CDH23: variants seen among roughly 807,000 people sequenced by gnomAD.
The protein encoded by CDH23 is cadherin related 23, also known as cadherin-23.
CDH23 carries 189 observed loss-of-function variants against 317.1 expected under a neutral mutation model. The ratio of observed to expected loss-of-function variants is 0.60; its 90% CI spans 0.53 to 0.67. The LOEUF (loss-of-function observed/expected upper bound fraction) is 0.67. Among genes scored for constraint, CDH23 ranks in the 30% least tolerant of loss-of-function variants. The pLI is 0.00. For missense variants in CDH23, 4,401 were observed against 4,592.4 expected (o/e 0.96, Z 1.20); for synonymous variants, 1,839 against 1,876.8 (o/e 0.98, Z 0.52).
At position 71,712,781 on chromosome 10, in the gene CDH23, G is replaced by C. The variant is rs397517322; in HGVS notation, c.3337G>C (p.Glu1113Gln). ...LQSSYEASVP[E>Q]DIPEGHSILQ... is the part of the protein sequence containing the mutation. ...GAGCAGCTATGAGGCCAGCGTCCCT[G>C]AGGACATCCCTGAAGGCCACAGCAT... Residue 1113 changes from glutamate (E) to glutamine (Q), a missense_variant, in exon 28 of 70, where the codon GAG (glutamate) becomes CAG (glutamine). By Grantham distance (29) the Glu-to-Gln change is conservative. Around this residue, in one of 3 missense-constraint regions of CDH23, gnomAD observed 3,068 missense variants for 3,203.3 expected, o/e 0.96. Transcript: ENST00000224721. The C allele has an allele frequency of 6.8e-6, 11 of 1,612,996 alleles. No homozygotes were observed. The South Asian group carries it at 1.2e-4, about 18-fold the overall frequency.
Position 71,751,712 on chromosome 10 carries a change from G to C in CDH23, c.4845+9791G>C. ...GTCTCCGGGGCCTGGAGGAGACAGG[G>C]GGGTGCTGGGCTCCGAAAGCAGATG... On this transcript the variant is annotated intron_variant, in intron 38 of 69. Coordinates refer to ENST00000224721, the MANE Select transcript of CDH23 (RefSeq NM_022124.6). This position sits in a 1 kb window ranked among gnomAD's most constrained non-coding sequence, Gnocchi z 4.9. 2 of 1,572,722 alleles carry C rather than the reference G, an allele frequency of 1.3e-6. No individual in the cohort carries two copies. Among genetic ancestry groups the C allele is most frequent in the Middle Eastern group, 2.0e-4 (1 of 4,960 alleles).
chr10:71,739,474 C>T (rs1839676098), intron 35 of CDH23, among the ~76,000 whole-genome samples, 170 bp from the exon 36 acceptor site: 2 of 152,160 alleles, frequency 1.3e-5, no homozygotes, highest in Admixed American at 1.3e-4. Context: ...GGGCCTGCAC[C>T]CCCATTTTGA....
intron 43 of CDH23, 87 bp from the exon 44 acceptor site, chr10:71,785,544 A>T: frequency 1.1e-6 from 1 of 876,102 alleles, no homozygotes; most frequent in South Asian, 1.5e-5. Context: ...CAATTTAGGG[A>T]GGCCAAGCAG....
chr10:71,650,293 A>T (rs1863105459), intron 14 of CDH23, among the ~76,000 whole-genome samples: 1 of 152,256 alleles, frequency 6.6e-6, no homozygotes, highest in Non-Finnish European at 1.5e-5. Flanking sequence ...GGAAGCAGGA[A>T]TACCAAGGCA....
At chr10:71,505,857 A>G (rs1025345773) in intron 3 of CDH23, among the ~76,000 whole-genome samples, 3 of 152,256 alleles carry the variant, frequency 2.0e-5, no homozygotes, top group African/African-American at 7.2e-5. Context: ...GAATTACTGT[A>G]TGTTCCAGCA....
chr10:71,519,553 T>C (rs1201011730), intron 6 of CDH23, among the ~76,000 whole-genome samples: 4 of 152,210 alleles, frequency 2.6e-5, no homozygotes, highest in African/African-American at 7.2e-5. Context: ...ATCTGTGACA[T>C]GGGGACCAGA....
At chr10:71,640,989 T>C (rs1210156762) in intron 11 of CDH23, among the ~76,000 whole-genome samples, 1 of 152,192 alleles carries the variant, frequency 6.6e-6, no homozygotes, top group Non-Finnish European at 1.5e-5. Context: ...CGGATGCCTA[T>C]GCTTCCACCC....
intron 38 of CDH23, among the ~76,000 whole-genome samples, chr10:71,752,561 G>C (rs1451681928): frequency 6.6e-6 from 1 of 152,162 alleles, no homozygotes; most frequent in African/African-American, 2.4e-5. Context: ...GGACCCCTCA[G>C]CCTCTGCCCT....
chr10:71,478,495 C>T (rs893700062), intron 3 of CDH23, among the ~76,000 whole-genome samples: 11 of 152,238 alleles, frequency 7.2e-5, no homozygotes, highest in Non-Finnish European at 4.4e-5. Context: ...TTGTCCCCCT[C>T]GGTTCTCCTG....
intron 9 of CDH23, among the ~76,000 whole-genome samples, chr10:71,608,483 C>T (rs538287978): frequency 3.9e-5 from 6 of 152,322 alleles, no homozygotes; most frequent in African/African-American, 1.4e-4. Context: ...CTTTTTTCTT[C>T]TCTTCTCTCC....
intron 14 of CDH23, among the ~76,000 whole-genome samples, chr10:71,672,108 A>C (rs1389012989): frequency 6.6e-6 from 1 of 151,970 alleles, no homozygotes; most frequent in Admixed American, 6.6e-5. Flanking sequence ...GGCTGGGAAT[A>C]CTGAGTGTGC....
intron 38 of CDH23, among the ~76,000 whole-genome samples, chr10:71,764,090 C>CA (rs1369624110): frequency 6.6e-6 from 1 of 152,166 alleles, no homozygotes; most frequent in Non-Finnish European, 1.5e-5. Flanking sequence ...GGCAGAAACA[C>CA]AGAGACCCAG....
chr10:71,573,529 T>A (rs780725906), intron 8 of CDH23, among the ~76,000 whole-genome samples: 9 of 152,188 alleles, frequency 5.9e-5, no homozygotes, highest in Non-Finnish European at 1.2e-4. Context: ...CTCCTCAGTC[T>A]CAGCAAACCA....
At chr10:71,450,503 G>A (rs543323763) in intron 3 of CDH23, among the ~76,000 whole-genome samples, 110 of 152,122 alleles carry the variant, frequency 7.2e-4, no homozygotes, top group African/African-American at 2.6e-3. Flanking sequence ...CCCGACCTCA[G>A]GTGATCCACC....
chr10:71,593,297 A>T (rs1373660259), intron 9 of CDH23, among the ~76,000 whole-genome samples: 1 of 152,226 alleles, frequency 6.6e-6, no homozygotes, highest in Non-Finnish European at 1.5e-5. Flanking sequence ...ATAAAGCAAG[A>T]TCCCTACCAT....
intron 7 of CDH23, among the ~76,000 whole-genome samples, chr10:71,567,912 C>T (rs117831166): frequency 0.014 from 2,192 of 152,360 alleles, 38 homozygotes; most frequent in Admixed American, 0.014. Flanking sequence ...GTCCTATCTG[C>T]CTGACACTCA....
chr10:71,725,895 G>A (rs1866787105), intron 30 of CDH23, among the ~76,000 whole-genome samples: 1 of 152,126 alleles, frequency 6.6e-6, no homozygotes, highest in South Asian at 2.1e-4. Context: ...GAAAACTGAG[G>A]CACAGAGAAG....
intron 8 of CDH23, among the ~76,000 whole-genome samples, chr10:71,574,953 C>G (rs1858078126): frequency 6.6e-6 from 1 of 152,118 alleles, no homozygotes; most frequent in Admixed American, 6.5e-5. Flanking sequence ...TCCCTCCACC[C>G]CACCCCCCAC....
chr10:71,682,650 G>A, intron 18 of CDH23, 78 bp downstream of exon 18: 2 of 1,549,440 alleles, frequency 1.3e-6, no homozygotes, highest in Non-Finnish European at 1.8e-6. Context: ...AGTACTGTAG[G>A]ACTGTGGCCC....
Sources: gnomAD v4.1 joint callset for allele counts (sites outside exome capture counted in the v4.1 genomes callset) on GRCh38, gnomAD v4.1.1 for gene constraint, gnomAD v4.1.1 regional missense constraint, Gnocchi (gnomAD v3.1) non-coding constraint, MANE v1.5 for transcripts, NCBI Gene and HGNC (gene_info 2026-07-23, HGNC 2026-07-21) for gene names.